Variants in AK8 observed in about 807,000 individuals in gnomAD.
The protein encoded by AK8 is ATP-AMP transphosphorylase 8.
In AK8, 44 loss-of-function variants were observed where a neutral mutation model predicts 54.6. The observed-to-expected ratio is 0.81, with a 90% CI of 0.63 to 1.04. AK8 has a LOEUF of 1.04. Ranked by LOEUF, AK8 falls within the 50% of genes least tolerant of loss-of-function variation. The pLI, the probability that AK8 is intolerant of heterozygous loss-of-function variation, is 0.00. For synonymous variants in AK8, 239 were observed against 245.6 expected (o/e 0.97, Z 0.25); for missense variants, 555 against 613.6 (o/e 0.90, Z 1.01).
intron 1 of AK8, among the ~76,000 whole-genome samples, chr9:132,876,753 A>C (rs1025727232): frequency 2.6e-5 from 4 of 152,212 alleles, no homozygotes; most frequent in Non-Finnish European, 5.9e-5. Flanking sequence ...GAAATGGTCA[A>C]AAACATGGAG....
intron 11 of AK8, among the ~76,000 whole-genome samples, chr9:132,774,723 A>G (rs1839133559): frequency 6.6e-6 from 1 of 152,194 alleles, no homozygotes; most frequent in African/African-American, 2.4e-5. Flanking sequence ...AGCTCGATTC[A>G]AATGCCAACT....
chr9:132,821,240 A>C (rs1841586431), intron 9 of AK8, among the ~76,000 whole-genome samples: 1 of 151,134 alleles, frequency 6.6e-6, no homozygotes, highest in Non-Finnish European at 1.5e-5. Context: ...CCGTGTTTTC[A>C]GACTCTCCCT....
chr9:132,824,659 C>T (rs1039992115), intron 8 of AK8, among the ~76,000 whole-genome samples: 1 of 152,176 alleles, frequency 6.6e-6, no homozygotes, highest in Non-Finnish European at 1.5e-5. Flanking sequence ...CCCGGGGTTG[C>T]GGTGGGGGCA....
chr9:132,776,808 C>G (rs1294362908), intron 11 of AK8, among the ~76,000 whole-genome samples: 1 of 152,190 alleles, frequency 6.6e-6, no homozygotes, highest in Non-Finnish European at 1.5e-5. Flanking sequence ...GCTTTGAAGT[C>G]ATGGCTAAAA....
At chr9:132,758,810 T>C (rs1266787920) in intron 11 of AK8, among the ~76,000 whole-genome samples, 1 of 152,158 alleles carries the variant, frequency 6.6e-6, no homozygotes, top group Non-Finnish European at 1.5e-5. Context: ...TTGTGTTTTT[T>C]CTTTTGTGAA....
chr9:132,856,270 AGACTCG>A lies in AK8; in HGVS notation c.334-1351_334-1346del, dbSNP rs796536691. On this transcript the variant is annotated intron_variant, in intron 4 of 12. Transcript: ENST00000298545. ...GCACAGCCTTTCTTATGCAGAGCAG[AGACTCG>A]GACTTGGCATCAGGGCTCACCTCCC... 1.1e-4 allele frequency among the ~76,000 whole-genome samples: 17 copies of A among 152,332 alleles called. 1 individual carries two copies. Among genetic ancestry groups the A allele is most frequent in the African/African-American group, 4.1e-4 (17 of 41,582 alleles).
At chr9:132,857,512 T>A (rs1843218835) in intron 4 of AK8, among the ~76,000 whole-genome samples, 1 of 151,874 alleles carries the variant, frequency 6.6e-6, no homozygotes, top group Non-Finnish European at 1.5e-5. Context: ...TCCCTCTGCA[T>A]CCCCCCTCCG....
intron 10 of AK8, among the ~76,000 whole-genome samples, chr9:132,793,653 C>A (rs971186274): frequency 1.3e-5 from 2 of 152,178 alleles, no homozygotes; most frequent in Non-Finnish European, 2.9e-5. Flanking sequence ...TATTGAGAAG[C>A]CTCTTGTTTA....
intron 1 of AK8, among the ~76,000 whole-genome samples, chr9:132,875,989 G>C (rs1844078454): frequency 6.6e-6 from 1 of 152,248 alleles, no homozygotes; most frequent in African/African-American, 2.4e-5. Context: ...TGGGGTTGCA[G>C]AACCCTAGGC....
At position 132,771,771 on chromosome 9, in the gene AK8, C is replaced by T. The variant is rs143113047; in HGVS notation, c.1121+20863G>A. Among the ~76,000 whole-genome samples, 336 of 151,914 alleles carry T rather than the reference C, an allele frequency of 2.2e-3. 3 individuals carry two copies. Among genetic ancestry groups the T allele is most frequent in the African/African-American group, 6.6e-3 (275 of 41,400 alleles). ...GGTCACCAGAGGGGAAAGGCTAGGA[C>T]GGAGCTTCCTTTCAGAGCCTGTGTA... On this transcript the variant is annotated intron_variant, in intron 11 of 12. Transcript: ENST00000298545.
intron 5 of AK8, among the ~76,000 whole-genome samples, chr9:132,853,114 T>C (rs1159854562): frequency 6.6e-6 from 1 of 151,898 alleles, no homozygotes; most frequent in Non-Finnish European, 1.5e-5. Context: ...CCCAGCACTT[T>C]GGGAGGCCAA....
At chr9:132,845,188 C>T (rs1290865942) in intron 5 of AK8, among the ~76,000 whole-genome samples, 4 of 152,102 alleles carry the variant, frequency 2.6e-5, no homozygotes, top group African/African-American at 4.8e-5. Context: ...CCAGACCAGG[C>T]GCGTAGACTA....
chr9:132,761,711 T>C (rs1046952719), intron 11 of AK8, among the ~76,000 whole-genome samples: 1 of 152,224 alleles, frequency 6.6e-6, no homozygotes, highest in African/African-American at 2.4e-5. Context: ...ATATTTATTA[T>C]CAAAATGTGT....
At chr9:132,780,003 A>G (rs916025789) in intron 11 of AK8, among the ~76,000 whole-genome samples, 8 of 152,186 alleles carry the variant, frequency 5.3e-5, no homozygotes, top group Non-Finnish European at 1.2e-4. Context: ...AGCACTCAGT[A>G]AAGACCAGAT....
At chr9:132,772,081 C>T (rs1156449784) in intron 11 of AK8, among the ~76,000 whole-genome samples, 2 of 152,196 alleles carry the variant, frequency 1.3e-5, no homozygotes, top group Non-Finnish European at 2.9e-5. Context: ...TTACCTCCCA[C>T]CAGGTCCCTC....
Position 132,727,546 on chromosome 9 carries a change from T to C in AK8, c.1122-12A>G, listed in dbSNP as rs567355720. 25 of 1,608,050 alleles carry C rather than the reference T, an allele frequency of 1.6e-5. No homozygotes were observed. Among genetic ancestry groups the C allele is most frequent in the Non-Finnish European group, 2.0e-5 (24 of 1,174,542 alleles). On this transcript the variant is annotated splice_polypyrimidine_tract_variant and intron_variant, in intron 11 of 12. Coordinates refer to ENST00000298545, the MANE Select transcript of AK8 (RefSeq NM_152572.3). ...TCAGGAAAAACACCCTATAAGGAAA[T>C]AAACCATATTAATAATGGTTTTTAT...
intron 11 of AK8, among the ~76,000 whole-genome samples, chr9:132,759,836 T>C (rs538505935): frequency 2.0e-5 from 3 of 152,362 alleles, no homozygotes; most frequent in Admixed American, 6.5e-5. Flanking sequence ...AATAAATAGA[T>C]ATTTGAGAGG....
intron 1 of AK8, chr9:132,877,953 C>A: frequency 8.1e-7 from 1 of 1,233,028 alleles, no homozygotes; most frequent in Non-Finnish European, 1.1e-6. Flanking sequence ...CCTTCCTCCC[C>A]CTGGGTCCGC....
At chr9:132,810,726 A>G (rs151003032) in intron 10 of AK8, among the ~76,000 whole-genome samples, 2 of 152,298 alleles carry the variant, frequency 1.3e-5, no homozygotes, top group East Asian at 3.9e-4. Flanking sequence ...TAAAAAACCA[A>G]CATCCTCATA....
Sources: gnomAD v4.1 joint callset for allele counts (sites outside exome capture counted in the v4.1 genomes callset) on GRCh38, gnomAD v4.1.1 for gene constraint, MANE v1.5 for transcripts, NCBI Gene and HGNC (gene_info 2026-07-23, HGNC 2026-07-21) for gene names.